Variants in EXOC4 observed in about 807,000 individuals in gnomAD.
EXOC4 encodes the protein exocyst complex component 4, also known as SEC8-like 1.
EXOC4 carries 71 observed loss-of-function variants against 107.2 expected under a neutral mutation model. That is an observed-to-expected ratio of 0.66 (90% confidence interval 0.55 to 0.81). EXOC4 has a LOEUF of 0.81. Among genes scored for constraint, EXOC4 ranks in the 30% least tolerant of loss-of-function variants. The pLI, the probability that EXOC4 is intolerant of heterozygous loss-of-function variation, is 0.00. For missense variants in EXOC4, 1,108 were observed against 1,189.6 expected (o/e 0.93, Z 1.01); for synonymous variants, 456 against 441.2 (o/e 1.03, Z -0.42).
At chr7:133,523,679 G>A (rs1375705496) in intron 9 of EXOC4, among the ~76,000 whole-genome samples, 2 of 151,592 alleles carry the variant, frequency 1.3e-5, no homozygotes, top group African/African-American at 4.9e-5. Flanking sequence ...ACCTATGAGT[G>A]AGAATATGTG....
chr7:133,867,312 T>C (rs1487307883), intron 11 of EXOC4, among the ~76,000 whole-genome samples: 1 of 152,358 alleles, frequency 6.6e-6, no homozygotes, highest in South Asian at 2.1e-4. Context: ...GTATGTAAAT[T>C]TGTAACTTGC....
intron 11 of EXOC4, among the ~76,000 whole-genome samples, chr7:133,845,437 A>C (rs1209423462): frequency 6.7e-6 from 1 of 148,358 alleles, no homozygotes; most frequent in East Asian, 1.9e-4. Context: ...TATACTAGAT[A>C]TATAAGATAT....
chr7:133,477,629 G>A (rs1352362611), intron 8 of EXOC4, among the ~76,000 whole-genome samples: 2 of 152,100 alleles, frequency 1.3e-5, no homozygotes, highest in Non-Finnish European at 2.9e-5. Flanking sequence ...TGCAGGTTTT[G>A]GTGTGGACAT....
chr7:133,253,492 A>T, intron 1 of EXOC4: 1 of 1,111,024 alleles, frequency 9.0e-7, no homozygotes, highest in Non-Finnish European at 1.1e-6. Context: ...CCAGGTGTAA[A>T]GGTGTGTTTA....
At chr7:133,540,665 A>G (rs1347193020) in intron 9 of EXOC4, among the ~76,000 whole-genome samples, 4 of 152,146 alleles carry the variant, frequency 2.6e-5, no homozygotes, top group South Asian at 2.1e-4. Flanking sequence ...TCCTTATTCA[A>G]TAGCTTTGGG....
chr7:133,605,692 T>C (rs777512090), intron 9 of EXOC4, among the ~76,000 whole-genome samples: 19 of 152,100 alleles, frequency 1.2e-4, no homozygotes, highest in Non-Finnish European at 2.5e-4. Context: ...GGAATTCTAG[T>C]GAAGATGTTG....
At chr7:133,611,313 A>G (rs73726933) in intron 9 of EXOC4, among the ~76,000 whole-genome samples, 3,182 of 152,120 alleles carry the variant, frequency 0.021, 118 homozygotes, top group African/African-American at 0.073. Flanking sequence ...AGAATAGGAG[A>G]CATTTCAGAT....
intron 7 of EXOC4, among the ~76,000 whole-genome samples, chr7:133,457,423 C>G (rs555754327): frequency 1.3e-5 from 2 of 152,292 alleles, no homozygotes; most frequent in East Asian, 3.9e-4. Flanking sequence ...AATAGCCTTA[C>G]TATAGGCTGT....
intron 12 of EXOC4, among the ~76,000 whole-genome samples, chr7:133,907,414 G>A (rs116188372): frequency 0.012 from 1,797 of 152,186 alleles, 29 homozygotes; most frequent in African/African-American, 0.041. Context: ...TTCACATCAA[G>A]GTTATTTGGG....
chr7:133,773,145 G>T (rs1307646658), intron 10 of EXOC4, among the ~76,000 whole-genome samples: 1 of 151,888 alleles, frequency 6.6e-6, no homozygotes, highest in African/African-American at 2.4e-5. Context: ...GGCTCTCAGT[G>T]CCTTTGTGAT....
Position 134,058,938 on chromosome 7 carries a change from C to T in EXOC4, c.2688-5353C>T, listed in dbSNP as rs114496772. Among the ~76,000 whole-genome samples, 538 of 152,172 alleles carry T rather than the reference C, an allele frequency of 3.5e-3. 7 individuals carry two copies. Among genetic ancestry groups the T allele is most frequent in the African/African-American group, 0.012 (495 of 41,512 alleles). On this transcript the variant is annotated intron_variant, in intron 17 of 17. Coordinates refer to ENST00000253861, the MANE Select transcript of EXOC4 (RefSeq NM_021807.4). ...TCCTATTTAAAAGGATTGAAATGCA[C>T]CTAAAAGCTAGACATTATTATTAAT...
chr7:133,747,615 A>G (rs1795704789), intron 10 of EXOC4, among the ~76,000 whole-genome samples: 1 of 152,214 alleles, frequency 6.6e-6, no homozygotes, highest in Non-Finnish European at 1.5e-5. Flanking sequence ...TGATTTTGAA[A>G]TGCGTGTACA....
At chr7:133,278,971 C>T (rs991760756) in intron 2 of EXOC4, among the ~76,000 whole-genome samples, 1 of 151,018 alleles carries the variant, frequency 6.6e-6, no homozygotes, top group East Asian at 2.0e-4. Context: ...CCTCCCCACT[C>T]CCCCCACCCC....
At chr7:133,565,279 A>C (rs925538827) in intron 9 of EXOC4, among the ~76,000 whole-genome samples, 1 of 152,172 alleles carries the variant, frequency 6.6e-6, no homozygotes, top group Admixed American at 6.5e-5. Flanking sequence ...CTCCACTCTT[A>C]GTTTTCTCAT....
chr7:134,049,657 C>T (rs1388463072), intron 17 of EXOC4, among the ~76,000 whole-genome samples: 1 of 152,200 alleles, frequency 6.6e-6, no homozygotes, highest in Admixed American at 6.5e-5. Context: ...ATTATGGCCA[C>T]TGTCACATTG....
intron 7 of EXOC4, among the ~76,000 whole-genome samples, chr7:133,433,960 T>C (rs140372612): frequency 6.6e-6 from 1 of 152,180 alleles, no homozygotes; most frequent in Admixed American, 6.5e-5. Context: ...TCCTTAGTGG[T>C]ACAAAGGGCA....
chr7:133,594,979 C>A (rs1243674694), intron 9 of EXOC4, among the ~76,000 whole-genome samples: 1 of 152,062 alleles, frequency 6.6e-6, no homozygotes, highest in Non-Finnish European at 1.5e-5. Context: ...GAATGCTTCC[C>A]TGATAAGGTG....
At chr7:133,370,628 T>C (rs1226129141) in intron 6 of EXOC4, among the ~76,000 whole-genome samples, 1 of 152,194 alleles carries the variant, frequency 6.6e-6, no homozygotes, top group Non-Finnish European at 1.5e-5. Flanking sequence ...TAGCTACTTT[T>C]TTAAGGACTA....
At chr7:133,790,375 A>C (rs1379803605) in intron 10 of EXOC4, among the ~76,000 whole-genome samples, 1 of 152,206 alleles carries the variant, frequency 6.6e-6, no homozygotes, top group Non-Finnish European at 1.5e-5. Context: ...GGGCACTTAC[A>C]TGTTGCTAAG....
Sources: gnomAD v4.1 joint callset for allele counts (sites outside exome capture counted in the v4.1 genomes callset) on GRCh38, gnomAD v4.1.1 for gene constraint, MANE v1.5 for transcripts, NCBI Gene and HGNC (gene_info 2026-07-23, HGNC 2026-07-21) for gene names.